TENM2: variants seen among roughly 807,000 people sequenced by gnomAD.
The protein encoded by TENM2 is teneurin-2.
In TENM2, 52 loss-of-function variants were observed where a neutral mutation model predicts 245.2. That is an observed-to-expected ratio of 0.21 (90% CI 0.17 to 0.27). The LOEUF (loss-of-function observed/expected upper bound fraction) is 0.27, where lower values mean the gene tolerates loss of function less well. Among genes scored for constraint, TENM2 ranks in the 10% least tolerant of loss-of-function variants. The pLI, the probability that TENM2 is intolerant of heterozygous loss-of-function variation, is 1.00. For missense variants in TENM2, 3,046 were observed against 3,666.8 expected, an observed-to-expected ratio of 0.83 and a Z score of 4.37; for synonymous variants, 1,363 against 1,438.9, an observed-to-expected ratio of 0.95 and a Z score of 1.19.
At chr5:167,041,910 T>C in the TENM2 span, among the ~76,000 whole-genome samples, 1 of 152,112 alleles carries the variant, frequency 6.6e-6, no homozygotes, top group East Asian at 1.9e-4. Flanking sequence ...TCCCCTTATG[T>C]GTGTGTGAGC....
At chr5:167,053,787 G>C in the TENM2 span, among the ~76,000 whole-genome samples, 1 of 152,106 alleles carries the variant, frequency 6.6e-6, no homozygotes, top group East Asian at 1.9e-4. Flanking sequence ...AACTTGCACT[G>C]TTAGCCACCT....
chr5:168,065,212 C>T (rs1220218512), intron 7 of TENM2, among the ~76,000 whole-genome samples: 8 of 152,084 alleles, frequency 5.3e-5, no homozygotes, highest in Admixed American at 5.2e-4. Context: ...ATGCTCTGAC[C>T]AAGAGCCTAC....
chr5:167,036,470 C>T, the TENM2 span, among the ~76,000 whole-genome samples: 1 of 152,212 alleles, frequency 6.6e-6, no homozygotes, highest in African/African-American at 2.4e-5. Context: ...GGCTTTTCTA[C>T]TTTGTCACCC....
chr5:167,688,749 G>A (rs1757236264), intron 2 of TENM2, among the ~76,000 whole-genome samples: 1 of 152,174 alleles, frequency 6.6e-6, no homozygotes. Context: ...ATGGGACTAG[G>A]TGGTAATTTT....
In TENM2 at chr5:167,722,178, G is replaced by A. The variant is rs190705765; in HGVS notation, c.503-153808G>A. Among the ~76,000 whole-genome samples, 23 of 152,264 alleles carry A rather than the reference G, an allele frequency of 1.5e-4. No individual in the cohort carries two copies. The East Asian group carries it at 4.1e-3, about 27-fold the overall frequency. The stretch of plus-strand genomic sequence containing the variant: ...ACTGAGTGACTTCTGCCTCCCCTCA[G>A]GCACTGACTCCTACAAGCAGACAAT... On this transcript the variant is annotated intron_variant, in intron 2 of 28. Transcript: ENST00000518659.
intron 1 of TENM2, among the ~76,000 whole-genome samples, chr5:167,365,212 T>C (rs897391269): frequency 1.1e-4 from 17 of 151,970 alleles, no homozygotes; most frequent in Admixed American, 4.6e-4. Context: ...AAGAAGTAGA[T>C]GAGAAATTTA....
At chr5:168,260,965 T>A (rs1386373373) in intron 28 of TENM2, among the ~76,000 whole-genome samples, 1 of 152,106 alleles carries the variant, frequency 6.6e-6, no homozygotes, top group African/African-American at 2.4e-5. Flanking sequence ...ATGGGAGGCG[T>A]TCAGATAACC....
the TENM2 span, among the ~76,000 whole-genome samples, chr5:167,059,649 C>G: frequency 1.4e-5 from 1 of 69,064 alleles, no homozygotes; most frequent in African/African-American, 1.1e-4. Context: ...GCTACTGATT[C>G]CTAGTTACTG....
intron 3 of TENM2, among the ~76,000 whole-genome samples, chr5:167,929,059 G>GAGAAAGAAAGAAAGAA (rs202034282): frequency 2.6e-5 from 2 of 77,442 alleles, no homozygotes; most frequent in East Asian, 4.1e-4. Context: ...GAAAGAAAGA[G>GAGAAAGAAAGAAAGAA]AGAAAGAAAG....
At chr5:167,675,582 T>G (rs1455439421) in intron 2 of TENM2, among the ~76,000 whole-genome samples, 3 of 152,100 alleles carry the variant, frequency 2.0e-5, no homozygotes, top group African/African-American at 7.2e-5. Context: ...TTTGGACATT[T>G]TCTTGACCAC....
intron 2 of TENM2, among the ~76,000 whole-genome samples, chr5:167,436,475 A>C (rs1471166074): frequency 6.6e-6 from 1 of 152,180 alleles, no homozygotes; most frequent in Non-Finnish European, 1.5e-5. Flanking sequence ...AAAGTTTGGA[A>C]AATTTGCAGC....
chr5:167,830,393 C>A (rs1768364239), intron 2 of TENM2, among the ~76,000 whole-genome samples: 1 of 152,144 alleles, frequency 6.6e-6, no homozygotes, highest in Non-Finnish European at 1.5e-5. Flanking sequence ...TATAATCTAA[C>A]AAGTTAGAAC....
At chr5:167,035,408 A>G in the TENM2 span, among the ~76,000 whole-genome samples, 1 of 152,242 alleles carries the variant, frequency 6.6e-6, no homozygotes, top group African/African-American at 2.4e-5. Context: ...TCTGAAGAAC[A>G]TGTTTTAGTG....
chr5:167,054,000 G>A, the TENM2 span, among the ~76,000 whole-genome samples: 10 of 152,114 alleles, frequency 6.6e-5, no homozygotes, highest in East Asian at 5.8e-4. Flanking sequence ...TCCTCCACCC[G>A]TGGTGCATTT....
At chr5:167,570,051 T>A (rs939864084) in intron 2 of TENM2, among the ~76,000 whole-genome samples, 14 of 152,102 alleles carry the variant, frequency 9.2e-5, no homozygotes, top group African/African-American at 3.4e-4. Context: ...TGGAGTTAAA[T>A]ATGTTGATAT....
chr5:167,346,222 A>G (rs1387619415), intron 1 of TENM2, among the ~76,000 whole-genome samples: 1 of 152,218 alleles, frequency 6.6e-6, no homozygotes, highest in Non-Finnish European at 1.5e-5. Flanking sequence ...TTGAAAAATG[A>G]CCGTCAAACA....
chr5:167,235,503 A>G, the TENM2 span, among the ~76,000 whole-genome samples: 546 of 152,338 alleles, frequency 3.6e-3, 7 homozygotes, highest in East Asian at 1.4e-3. Context: ...TTTTACTCAC[A>G]TAACTGAAAA....
intron 2 of TENM2, among the ~76,000 whole-genome samples, chr5:167,450,468 A>T (rs1554156778): frequency 6.6e-6 from 1 of 152,186 alleles, no homozygotes; most frequent in Non-Finnish European, 1.5e-5. Context: ...TCGTTATTTC[A>T]CTTGCACCAA....
At chr5:167,068,829 G>A in the TENM2 span, among the ~76,000 whole-genome samples, 1 of 152,120 alleles carries the variant, frequency 6.6e-6, no homozygotes, top group Non-Finnish European at 1.5e-5. Flanking sequence ...AGTCCCAAAT[G>A]CCTCATTATG....
Sources: allele counts gnomAD v4.1 joint callset (sites outside exome capture counted in the v4.1 genomes callset), GRCh38; gene constraint gnomAD v4.1.1; transcripts MANE v1.5; gene names NCBI Gene and HGNC (gene_info 2026-07-23, HGNC 2026-07-21).